Variants in SLIT3 observed in about 807,000 individuals in gnomAD.
SLIT3 encodes slit homolog 3 protein.
A neutral mutation model predicts 184.0 loss-of-function variants in SLIT3; 68 were observed. The observed-to-expected ratio is 0.37, with a 90% confidence interval of 0.30 to 0.45. The LOEUF is 0.45. SLIT3 is among the 20% of genes least tolerant of loss of function. SLIT3 has a pLI of 1.00. For synonymous variants in SLIT3, 831 were observed against 828.6 expected, an observed-to-expected ratio of 1.00 and a Z score of -0.05; for missense variants, 1,707 against 2,026.0, an observed-to-expected ratio of 0.84 and a Z score of 3.02.
chr5:168,903,192 ACT>A (rs1284479035), intron 4 of SLIT3, among the ~76,000 whole-genome samples: 6 of 152,316 alleles, frequency 3.9e-5, no homozygotes, highest in Middle Eastern at 3.4e-3. Context: ...ACAGACTGGC[ACT>A]CTCTCACCAT....
chr5:169,261,352 G>C (rs1350856589), intron 1 of SLIT3, among the ~76,000 whole-genome samples: 1 of 152,182 alleles, frequency 6.6e-6, no homozygotes, highest in Non-Finnish European at 1.5e-5. Context: ...ATGTATAAAA[G>C]CCCAGAGGCA....
intron 4 of SLIT3, among the ~76,000 whole-genome samples, chr5:168,919,859 C>T (rs1006944262): frequency 2.6e-5 from 4 of 152,148 alleles, no homozygotes; most frequent in African/African-American, 9.7e-5. Flanking sequence ...AGTGAGAACA[C>T]ATAAAAAAGG....
chr5:169,096,530 G>C (rs1252714547), intron 4 of SLIT3, among the ~76,000 whole-genome samples: 1 of 152,212 alleles, frequency 6.6e-6, no homozygotes, highest in Non-Finnish European at 1.5e-5. Flanking sequence ...GAGTGTGGCT[G>C]TAATTTAATA....
chr5:169,000,392 C>CAAAAAAAAAA (rs34002967), intron 4 of SLIT3, among the ~76,000 whole-genome samples: 2 of 42,314 alleles, frequency 4.7e-5, no homozygotes, highest in African/African-American at 1.0e-4. Flanking sequence ...AACTCCATCT[C>CAAAAAAAAAA]AAAAAAAAAA....
intron 32 of SLIT3, among the ~76,000 whole-genome samples, chr5:168,683,443 G>A (rs765603695): frequency 4.6e-5 from 7 of 151,706 alleles, no homozygotes; most frequent in Non-Finnish European, 8.8e-5. Context: ...TGAAAGTCCA[G>A]CTGCCACACC....
At chr5:168,735,705 C>T (rs1267037522) in intron 20 of SLIT3, among the ~76,000 whole-genome samples, 7 of 141,248 alleles carry the variant, frequency 5.0e-5, no homozygotes, top group South Asian at 2.2e-4. Context: ...CACACACACA[C>T]ATCTCCATCC....
At chr5:169,207,979 TGCTATTTTGTTATA>T (rs1764130409) in intron 3 of SLIT3, among the ~76,000 whole-genome samples, 1 of 152,204 alleles carries the variant, frequency 6.6e-6, no homozygotes, top group African/African-American at 2.4e-5. Context: ...ACCCAGAGTA[TGCTATTTTGTTATA>T]GCAGCTGGAA....
At chr5:168,999,276 G>C (rs538667710) in intron 4 of SLIT3, among the ~76,000 whole-genome samples, 38 of 152,132 alleles carry the variant, frequency 2.5e-4, no homozygotes, top group Non-Finnish European at 4.6e-4. Flanking sequence ...TGGCTCTGGA[G>C]TGGGATACAG....
At chr5:168,993,365 C>T (rs1357421943) in intron 4 of SLIT3, among the ~76,000 whole-genome samples, 1 of 152,180 alleles carries the variant, frequency 6.6e-6, no homozygotes, top group African/African-American at 2.4e-5. Context: ...GCCCATGGCA[C>T]CCCGCCTACA....
At chr5:168,702,805 T>C (rs1762255968) in intron 26 of SLIT3, among the ~76,000 whole-genome samples, 1 of 152,104 alleles carries the variant, frequency 6.6e-6, no homozygotes, top group Non-Finnish European at 1.5e-5. Flanking sequence ...GGTGCATATA[T>C]GAGAGTGGTG....
chr5:169,165,727 A>G (rs1762617436), intron 4 of SLIT3, among the ~76,000 whole-genome samples: 1 of 144,012 alleles, frequency 6.9e-6, no homozygotes, highest in Admixed American at 6.7e-5. Context: ...TCCACCCCCA[A>G]AGACAATTGC....
chr5:168,905,038 G>T (rs1055338064), intron 4 of SLIT3, among the ~76,000 whole-genome samples: 2 of 152,102 alleles, frequency 1.3e-5, no homozygotes, highest in Non-Finnish European at 2.9e-5. Flanking sequence ...TTAGCTGGGC[G>T]TGGCAGCGTG....
At chr5:169,164,704 GGCT>G (rs1749009375) in intron 4 of SLIT3, among the ~76,000 whole-genome samples, 2 of 152,186 alleles carry the variant, frequency 1.3e-5, no homozygotes, top group Admixed American at 6.5e-5. Flanking sequence ...CTAGGTCCAT[GGCT>G]GCTTTTATCT....
chr5:169,046,930 T>G (rs1201772473), intron 4 of SLIT3, among the ~76,000 whole-genome samples: 5 of 152,188 alleles, frequency 3.3e-5, no homozygotes, highest in African/African-American at 1.2e-4. Context: ...AAACACCATT[T>G]GCTTTCTATA....
At chr5:169,079,527 G>GGAAGGAGGAGGAGGAAGAAGGAGGAA in intron 4 of SLIT3, among the ~76,000 whole-genome samples, 3 of 117,252 alleles carry the variant, frequency 2.6e-5, no homozygotes, top group African/African-American at 1.1e-4. Flanking sequence ...AGAGGGAGGA[G>GGAAGGAGGAGGAGGAAGAAGGAGGAA]GAAGGAGGAG....
intron 5 of SLIT3, 80 bp from the exon 6 acceptor site, chr5:168,844,735 G>T: frequency 1.5e-6 from 2 of 1,321,004 alleles, no homozygotes; most frequent in South Asian, 1.2e-5. Context: ...CCGAGCGCCT[G>T]TCCCTCCACC....
intron 14 of SLIT3, among the ~76,000 whole-genome samples, chr5:168,771,166 T>G (rs1755538347): frequency 6.6e-6 from 1 of 151,812 alleles, no homozygotes; most frequent in South Asian, 2.1e-4. Context: ...CAGACAGGGG[T>G]AGGAATAGAG....
At chr5:169,196,492 T>C (rs1030860461) in intron 3 of SLIT3, among the ~76,000 whole-genome samples, 1 of 152,184 alleles carries the variant, frequency 6.6e-6, no homozygotes, top group African/African-American at 2.4e-5. Context: ...ATGGTATGGA[T>C]TGAGTTCTAC....
chr5:169,029,701 T>C (rs1435227946), intron 4 of SLIT3, among the ~76,000 whole-genome samples: 2 of 152,198 alleles, frequency 1.3e-5, no homozygotes, highest in Non-Finnish European at 2.9e-5. Flanking sequence ...AGAAAATCAA[T>C]TTCAAGGCCT....
Sources: allele counts gnomAD v4.1 joint callset (sites outside exome capture counted in the v4.1 genomes callset), GRCh38; gene constraint gnomAD v4.1.1; transcripts MANE v1.5; gene names NCBI Gene and HGNC (gene_info 2026-07-23, HGNC 2026-07-21).